The following ANKS1B variants were observed in gnomAD, a reference collection of about 807,000 sequenced individuals.
ANKS1B encodes ankyrin repeat and sterile alpha motif domain-containing protein 1B.
A neutral mutation model predicts 148.3 loss-of-function variants in ANKS1B; 36 were observed. The ratio of observed to expected loss-of-function variants is 0.24; its 90% confidence interval spans 0.19 to 0.32. The LOEUF is 0.32. ANKS1B is among the 10% of genes least tolerant of loss of function. The probability of loss-of-function intolerance (pLI) is 1.00; values close to 1 mark genes in which losing one functional copy is unlikely to be tolerated. For synonymous variants in ANKS1B, 542 were observed against 560.8 expected (o/e 0.97, Z 0.47); for missense variants, 1,157 against 1,542.6 (o/e 0.75, Z 4.19).
In ANKS1B at chr12:99,124,418, A is replaced by ATG. The variant is rs71081900; in HGVS notation, c.2526+29869_2526+29870dup. 7.2e-3 allele frequency among the ~76,000 whole-genome samples: 1,077 copies of ATG among 149,968 alleles called. 17 individuals are homozygous for ATG. The highest frequency in any genetic ancestry group is 0.025 in the African/African-American group (1,002 of 40,302). ...AGCATGCACAAACTTATTTGTGTGC[A>ATG]TGTGTGTGTGTGTGTGTATGTGTGT... On this transcript the variant is annotated intron_variant, in intron 15 of 26. Coordinates refer to ENST00000683438, the MANE Select transcript of ANKS1B (RefSeq NM_001352186.2).
intron 12 of ANKS1B, among the ~76,000 whole-genome samples, chr12:99,274,903 C>T (rs1488081984): frequency 2.0e-5 from 3 of 152,302 alleles, no homozygotes; most frequent in Middle Eastern, 3.4e-3. Flanking sequence ...TTAGCCAGAA[C>T]AGTACACAGG....
chr12:99,289,532 C>T (rs1183446623), intron 12 of ANKS1B, among the ~76,000 whole-genome samples: 2 of 151,934 alleles, frequency 1.3e-5, no homozygotes, highest in Non-Finnish European at 1.5e-5. Context: ...CAAAAGAAGT[C>T]TTAAAGAATT....
At chr12:99,749,633 G>T (rs2153592733) in intron 8 of ANKS1B, among the ~76,000 whole-genome samples, 1 of 152,112 alleles carries the variant, frequency 6.6e-6, no homozygotes, top group East Asian at 1.9e-4. Flanking sequence ...TGGATATATG[G>T]GTGTTACCTC....
chr12:99,098,067 T>C (rs1048662015), intron 15 of ANKS1B, among the ~76,000 whole-genome samples: 1 of 152,190 alleles, frequency 6.6e-6, no homozygotes, highest in African/African-American at 2.4e-5. Context: ...CATTGAGAGT[T>C]AACTGCAGGC....
intron 11 of ANKS1B, among the ~76,000 whole-genome samples, chr12:99,428,820 T>G (rs905839700): frequency 1.3e-5 from 2 of 152,112 alleles, no homozygotes; most frequent in Non-Finnish European, 2.9e-5. Flanking sequence ...CTTAGAGAAA[T>G]AGCTGATTCC....
intron 8 of ANKS1B, among the ~76,000 whole-genome samples, chr12:99,731,042 T>C (rs1264369739): frequency 6.6e-6 from 1 of 152,178 alleles, no homozygotes; most frequent in Admixed American, 6.5e-5. Flanking sequence ...GCTCAAGTGA[T>C]TCTCCTGCCT....
chr12:99,698,819 C>T (rs532725004), intron 8 of ANKS1B, among the ~76,000 whole-genome samples: 17 of 152,156 alleles, frequency 1.1e-4, no homozygotes, highest in African/African-American at 3.9e-4. Flanking sequence ...TAATAAATTA[C>T]CATCGATTTC....
At chr12:99,226,401 T>G (rs1460132045) in intron 14 of ANKS1B, among the ~76,000 whole-genome samples, 1 of 152,216 alleles carries the variant, frequency 6.6e-6, no homozygotes, top group African/African-American at 2.4e-5. Context: ...TGTTTTATGA[T>G]TGTGCACATT....
chr12:99,128,410 A>G (rs1310676863), intron 15 of ANKS1B, among the ~76,000 whole-genome samples: 1 of 152,194 alleles, frequency 6.6e-6, no homozygotes, highest in African/African-American at 2.4e-5. Context: ...ACCATGAATG[A>G]GTTGCCTGAT....
At chr12:99,755,594 C>CAAAAAAAAAA (rs369571107) in intron 8 of ANKS1B, among the ~76,000 whole-genome samples, 1 of 123,258 alleles carries the variant, frequency 8.1e-6, no homozygotes, top group African/African-American at 3.1e-5. Flanking sequence ...CAAAAATCCT[C>CAAAAAAAAAA]AAAAAAAAAA....
chr12:99,804,678 G>T (rs1248732990), intron 4 of ANKS1B, among the ~76,000 whole-genome samples: 2 of 152,106 alleles, frequency 1.3e-5, no homozygotes, highest in East Asian at 3.9e-4. Flanking sequence ...GCCACATTTA[G>T]TCCCTCTGGG....
At chr12:99,697,818 G>C (rs1210221122) in intron 8 of ANKS1B, among the ~76,000 whole-genome samples, 2 of 152,106 alleles carry the variant, frequency 1.3e-5, no homozygotes, top group Non-Finnish European at 2.9e-5. Context: ...TTAATAACAG[G>C]AGAAATGGGA....
intron 11 of ANKS1B, among the ~76,000 whole-genome samples, chr12:99,417,651 G>GC (rs1484597417): frequency 6.6e-6 from 1 of 152,038 alleles, no homozygotes; most frequent in East Asian, 1.9e-4. Flanking sequence ...TTACATCTTT[G>GC]CTACACTGAG....
intron 8 of ANKS1B, among the ~76,000 whole-genome samples, chr12:99,719,541 T>C (rs1041421386): frequency 6.6e-6 from 1 of 152,110 alleles, no homozygotes; most frequent in African/African-American, 2.4e-5. Flanking sequence ...CTATAGTATC[T>C]TCCACATCTA....
chr12:99,822,936 T>C (rs1034733493), intron 2 of ANKS1B, among the ~76,000 whole-genome samples: 3 of 152,130 alleles, frequency 2.0e-5, no homozygotes, highest in African/African-American at 2.4e-5. Flanking sequence ...CTTCACTCTA[T>C]AAAAGATGCC....
At chr12:98,872,374 A>C (rs1396943937) in intron 17 of ANKS1B, among the ~76,000 whole-genome samples, 1 of 152,154 alleles carries the variant, frequency 6.6e-6, no homozygotes, top group Non-Finnish European at 1.5e-5. Context: ...CCCTGTCTCT[A>C]CTAAAAATAC....
At chr12:99,345,795 A>G (rs1336074042) in intron 12 of ANKS1B, among the ~76,000 whole-genome samples, 2 of 152,000 alleles carry the variant, frequency 1.3e-5, no homozygotes, top group African/African-American at 4.8e-5. Context: ...AACAGCTGGC[A>G]TCACCTGCGG....
chr12:99,305,246 A>G (rs2082187530), intron 12 of ANKS1B, among the ~76,000 whole-genome samples: 1 of 152,122 alleles, frequency 6.6e-6, no homozygotes, highest in Admixed American at 6.6e-5. Context: ...CCCATCTCCA[A>G]CATTGGGGAA....
At chr12:99,282,890 C>T (rs922946372) in intron 12 of ANKS1B, among the ~76,000 whole-genome samples, 1 of 151,978 alleles carries the variant, frequency 6.6e-6, no homozygotes, top group Non-Finnish European at 1.5e-5. Context: ...ACAACAGCTG[C>T]AGAGAGACTC....
Sources: gnomAD v4.1 joint callset for allele counts (sites outside exome capture counted in the v4.1 genomes callset) on GRCh38, gnomAD v4.1.1 for gene constraint, MANE v1.5 for transcripts, NCBI Gene and HGNC (gene_info 2026-07-23, HGNC 2026-07-21) for gene names.